Variants in PDE7B observed in about 807,000 individuals in gnomAD.
The protein encoded by PDE7B is phosphodiesterase 7B, also known as 3',5'-cyclic-AMP phosphodiesterase 7B.
A neutral mutation model predicts 56.2 loss-of-function variants in PDE7B; 29 were observed. The observed-to-expected ratio is 0.52, with a 90% CI of 0.38 to 0.70. The LOEUF is 0.70. Ranked by LOEUF, PDE7B falls within the 30% of genes least tolerant of loss-of-function variation. The pLI, the probability that PDE7B is intolerant of heterozygous loss-of-function variation, is 0.00. For synonymous variants in PDE7B, 197 were observed against 196.9 expected (o/e 1.00, Z 0.00); for missense variants, 490 against 565.0 (o/e 0.87, Z 1.35).
chr6:135,940,029 C>G (rs1242399623), intron 1 of PDE7B, among the ~76,000 whole-genome samples: 4 of 152,122 alleles, frequency 2.6e-5, no homozygotes, highest in Non-Finnish European at 5.9e-5. Flanking sequence ...CCTCTCCAGT[C>G]CAGTCCATAA....
chr6:136,141,496 G>A (rs1048036058), intron 3 of PDE7B, among the ~76,000 whole-genome samples: 10 of 152,150 alleles, frequency 6.6e-5, no homozygotes, highest in East Asian at 1.9e-4. Flanking sequence ...GAGTTAGGGA[G>A]GATTCCCTCT....
chr6:135,910,195 A>G (rs1207026855), intron 1 of PDE7B, among the ~76,000 whole-genome samples: 1 of 152,098 alleles, frequency 6.6e-6, no homozygotes, highest in East Asian at 1.9e-4. Context: ...TGTGAAACTC[A>G]AAGAGTATGA....
intron 2 of PDE7B, among the ~76,000 whole-genome samples, chr6:135,981,746 A>G (rs550272677): frequency 3.3e-4 from 50 of 151,234 alleles, no homozygotes; most frequent in African/African-American, 1.2e-3. Flanking sequence ...GACCTGCCTG[A>G]GGATGTTTTA....
chr6:135,982,097 A>G (rs1775307922), intron 2 of PDE7B, among the ~76,000 whole-genome samples: 1 of 152,140 alleles, frequency 6.6e-6, no homozygotes, highest in South Asian at 2.1e-4. Flanking sequence ...ACATGACTAT[A>G]CTTATCCTGA....
intron 2 of PDE7B, among the ~76,000 whole-genome samples, chr6:136,106,214 T>C (rs1191452237): frequency 6.6e-6 from 1 of 152,278 alleles, no homozygotes; most frequent in South Asian, 2.1e-4. Flanking sequence ...TCATTTTTAC[T>C]GTATATGTCT....
At chr6:135,932,291 ATAACT>A (rs905876261) in intron 1 of PDE7B, among the ~76,000 whole-genome samples, 10 of 152,266 alleles carry the variant, frequency 6.6e-5, no homozygotes, top group African/African-American at 1.9e-4. Context: ...ACATTTTTAA[ATAACT>A]TAAAGAGTGT....
In PDE7B at chr6:135,934,863, A is replaced by ATTT. The variant is rs1491278291; in HGVS notation, c.22-12601_22-12600insTTT. On this transcript the variant is annotated intron_variant, in intron 1 of 12. Transcript: ENST00000308191. ...TATATTTATTTAAATAAATATATAT[A>ATTT]AAAATATATATAAATATTTATTTAA... is the stretch of plus-strand genomic sequence containing the variant. Among the ~76,000 whole-genome samples the ATTT allele has an allele frequency of 1.3e-3, 135 of 104,940 alleles. 10 individuals carry two copies. The highest frequency in any genetic ancestry group is 5.8e-3 in the African/African-American group (126 of 21,872). The allele number at this position is 104,940 out of a possible 152,430, so 68.8% of individuals were successfully genotyped here.
chr6:136,179,640 A>C (rs111664160), intron 10 of PDE7B, among the ~76,000 whole-genome samples: 1,960 of 152,296 alleles, frequency 0.013, 44 homozygotes, highest in Non-Finnish European at 0.013. Context: ...CAGCTACTGC[A>C]ATACCCACAC....
chr6:135,886,943 ATTG>A (rs1562425320), intron 1 of PDE7B, among the ~76,000 whole-genome samples: 1 of 152,066 alleles, frequency 6.6e-6, no homozygotes, highest in Non-Finnish European at 1.5e-5. Flanking sequence ...GATCCTCCCT[ATTG>A]TTTTCCATAG....
chr6:135,998,814 A>C (rs1174506310), intron 2 of PDE7B, among the ~76,000 whole-genome samples: 1 of 152,024 alleles, frequency 6.6e-6, no homozygotes, highest in Non-Finnish European at 1.5e-5. Flanking sequence ...TGATACTTAG[A>C]CATTACAATT....
intron 1 of PDE7B, among the ~76,000 whole-genome samples, chr6:135,853,597 A>T (rs563547998): frequency 1.3e-5 from 2 of 152,198 alleles, no homozygotes; most frequent in Non-Finnish European, 1.5e-5. Flanking sequence ...CAACTCCAAA[A>T]ACTGTCTCTG....
chr6:136,145,788 G>A (rs1447866669), intron 3 of PDE7B, among the ~76,000 whole-genome samples: 1 of 152,024 alleles, frequency 6.6e-6, no homozygotes, highest in Non-Finnish European at 1.5e-5. Flanking sequence ...CCCATCTAAA[G>A]TCAAGGTAGA....
chr6:135,927,608 A>T (rs1040252983), intron 1 of PDE7B, among the ~76,000 whole-genome samples: 5 of 152,174 alleles, frequency 3.3e-5, no homozygotes, highest in Non-Finnish European at 4.4e-5. Flanking sequence ...TCACCTTCTT[A>T]GTTAGCTATA....
chr6:136,053,595 A>G (rs569147383), intron 2 of PDE7B, among the ~76,000 whole-genome samples: 1 of 152,318 alleles, frequency 6.6e-6, no homozygotes, highest in South Asian at 2.1e-4. Flanking sequence ...GTCTGGGTCA[A>G]ATGGTAATTC....
intron 1 of PDE7B, among the ~76,000 whole-genome samples, chr6:135,894,561 T>C (rs1053686046): frequency 6.6e-6 from 1 of 152,010 alleles, no homozygotes; most frequent in Admixed American, 6.6e-5. Flanking sequence ...ATGAGGCAAA[T>C]GGAGACAAAA....
At chr6:136,114,867 C>T (rs1468549393) in intron 3 of PDE7B, 3 of 152,238 alleles carry the variant, frequency 2.0e-5, no homozygotes, top group Non-Finnish European at 4.4e-5. Context: ...GTGGTGCTTT[C>T]TGGCTCAGCT....
chr6:136,104,394 G>T (rs556871475), intron 2 of PDE7B, among the ~76,000 whole-genome samples: 2 of 152,278 alleles, frequency 1.3e-5, no homozygotes, highest in Admixed American at 1.3e-4. Flanking sequence ...TGGATATAAG[G>T]CCTTAGGTAA....
intron 2 of PDE7B, among the ~76,000 whole-genome samples, chr6:136,053,928 G>T (rs1047086978): frequency 1.3e-5 from 2 of 151,970 alleles, no homozygotes; most frequent in Non-Finnish European, 2.9e-5. Flanking sequence ...TAAATTTGTT[G>T]GAGTTCATTG....
At chr6:135,881,244 T>C (rs1775604397) in intron 1 of PDE7B, among the ~76,000 whole-genome samples, 1 of 150,746 alleles carries the variant, frequency 6.6e-6, no homozygotes. Flanking sequence ...ACAGCTGTAA[T>C]CCCATCACTT....
Sources: gnomAD v4.1 joint callset for allele counts (sites outside exome capture counted in the v4.1 genomes callset) on GRCh38, gnomAD v4.1.1 for gene constraint, MANE v1.5 for transcripts, NCBI Gene and HGNC (gene_info 2026-07-23, HGNC 2026-07-21) for gene names.